Variants in PDE4B observed in about 807,000 individuals in gnomAD.
PDE4B encodes the protein 3',5'-cyclic-AMP phosphodiesterase 4B.
PDE4B carries 20 observed loss-of-function variants against 82.2 expected under a neutral mutation model. That is an observed-to-expected ratio of 0.24 (90% CI 0.17 to 0.35). The LOEUF (loss-of-function observed/expected upper bound fraction) is 0.35. PDE4B is among the 10% of genes least tolerant of loss of function. The pLI is 1.00. For missense variants in PDE4B, 655 were observed against 907.2 expected (o/e 0.72, Z 3.57); for synonymous variants, 320 against 318.9 (o/e 1.00, Z -0.04).
At chr1:65,911,856 A>G (rs1394594625) in intron 1 of PDE4B, among the ~76,000 whole-genome samples, 3 of 152,184 alleles carry the variant, frequency 2.0e-5, no homozygotes, top group Non-Finnish European at 4.4e-5. Context: ...CAACTCCTGC[A>G]TAATGTAGTC....
chr1:66,277,698 A>G (rs1655990390), intron 7 of PDE4B, among the ~76,000 whole-genome samples: 1 of 152,154 alleles, frequency 6.6e-6, no homozygotes, highest in Non-Finnish European at 1.5e-5. Flanking sequence ...CCGGCCTTAT[A>G]TGCATTTTAA....
At chr1:66,177,154 A>G (rs1281701513) in intron 3 of PDE4B, among the ~76,000 whole-genome samples, 2 of 152,216 alleles carry the variant, frequency 1.3e-5, no homozygotes, top group African/African-American at 2.4e-5. Flanking sequence ...ACAAATGCAA[A>G]TGAATGGAGA....
At position 66,374,062 on chromosome 1, in the gene PDE4B, G is replaced by T; in HGVS notation, c.*1384G>T. The T allele has an allele frequency of 1.3e-5, 2 of 152,594 alleles. No homozygotes were observed. Among genetic ancestry groups the T allele is most frequent in the East Asian group, 1.9e-4 (1 of 5,200 alleles). The allele number at this position is 152,594 out of a possible 1,614,324, so 9.5% of individuals were successfully genotyped here. A position where few individuals can be genotyped will look rare whatever the true frequency, so the allele number is the denominator to read the frequency against. ...ATCCAAATCTATGTGGGCATGAGTT[G>T]GGTTATAACTGGATCCTACTATCAT... On this transcript the variant is annotated 3_prime_UTR_variant, in exon 17 of 17. Coordinates refer to ENST00000341517, the MANE Select transcript of PDE4B (RefSeq NM_002600.4).
intron 1 of PDE4B, among the ~76,000 whole-genome samples, chr1:65,906,045 T>G (rs1011540324): frequency 2.0e-5 from 3 of 152,142 alleles, no homozygotes; most frequent in African/African-American, 7.2e-5. Context: ...AATGGGGGTT[T>G]TGGATCATGG....
intron 1 of PDE4B, among the ~76,000 whole-genome samples, chr1:65,872,822 A>G (rs1285953382): frequency 2.6e-5 from 4 of 152,200 alleles, no homozygotes; most frequent in African/African-American, 9.7e-5. Context: ...CACATATATC[A>G]TCTCATGTGA....
intron 3 of PDE4B, among the ~76,000 whole-genome samples, chr1:66,090,841 C>G (rs1271342606): frequency 6.6e-6 from 1 of 151,556 alleles, no homozygotes; most frequent in Admixed American, 6.6e-5. Context: ...GAGGCAAGGA[C>G]TTCTTTTACG....
intron 1 of PDE4B, among the ~76,000 whole-genome samples, chr1:65,838,031 T>C (rs1646161523): frequency 6.6e-6 from 1 of 152,222 alleles, no homozygotes; most frequent in African/African-American, 2.4e-5. Flanking sequence ...CCACTTTGGA[T>C]ATAAAACATC....
At chr1:66,116,432 C>G (rs1030417711) in intron 3 of PDE4B, among the ~76,000 whole-genome samples, 1 of 152,172 alleles carries the variant, frequency 6.6e-6, no homozygotes, top group Non-Finnish European at 1.5e-5. Flanking sequence ...CAACTCCCAC[C>G]ACACACATCC....
chr1:65,822,999 ATAAT>A lies in PDE4B; in HGVS notation c.-71+29756_-71+29759del, dbSNP rs1325292537. 2.0e-5 allele frequency among the ~76,000 whole-genome samples: 3 copies of A among 152,286 alleles called. No individual in the cohort carries two copies. In the South Asian group the frequency reaches 6.2e-4, roughly 32 times the overall value. On this transcript the variant is annotated intron_variant, in intron 1 of 16. Coordinates refer to ENST00000341517, the MANE Select transcript of PDE4B (RefSeq NM_002600.4). The stretch of plus-strand genomic sequence containing the variant: ...ACTGATTTTAATTTCCATTTTCCTG[ATAAT>A]TAATGAGGCTGAGCTTCTTTTCTTA...
intron 3 of PDE4B, among the ~76,000 whole-genome samples, chr1:66,018,512 T>C (rs1652905423): frequency 6.6e-6 from 1 of 152,214 alleles, no homozygotes; most frequent in South Asian, 2.1e-4. Flanking sequence ...TAAGATTAAG[T>C]ATTTTAATGT....
chr1:66,007,450 AC>A (rs200296210), intron 3 of PDE4B, among the ~76,000 whole-genome samples: 12 of 150,626 alleles, frequency 8.0e-5, no homozygotes, highest in Admixed American at 6.0e-4. Context: ...GAACAAAACA[AC>A]CCCCCCCAAC....
At chr1:66,370,150 CAAAA>C (rs752920376) in intron 16 of PDE4B, among the ~76,000 whole-genome samples, 6 of 28,622 alleles carry the variant, frequency 2.1e-4, no homozygotes, top group African/African-American at 4.5e-4. Flanking sequence ...GACTCTATCT[CAAAA>C]AAAAAAAAAA....
intron 3 of PDE4B, among the ~76,000 whole-genome samples, chr1:66,204,009 G>A (rs1024889606): frequency 3.3e-5 from 5 of 152,126 alleles, no homozygotes; most frequent in African/African-American, 1.2e-4. Context: ...TGATGGTGAC[G>A]TACAGATGGG....
At chr1:66,286,627 A>C (rs898141198) in intron 7 of PDE4B, among the ~76,000 whole-genome samples, 1 of 152,124 alleles carries the variant, frequency 6.6e-6, no homozygotes, top group Non-Finnish European at 1.5e-5. Context: ...TTCCCATCAC[A>C]TTGGTGAAAA....
intron 1 of PDE4B, among the ~76,000 whole-genome samples, chr1:65,902,271 A>T (rs1646979921): frequency 6.6e-6 from 1 of 152,098 alleles, no homozygotes; most frequent in South Asian, 2.1e-4. Context: ...TGTGTTATTG[A>T]AGCCATATCA....
chr1:66,013,550 C>T (rs569003201), intron 3 of PDE4B, among the ~76,000 whole-genome samples: 16 of 152,046 alleles, frequency 1.1e-4, no homozygotes, highest in Middle Eastern at 3.4e-3. Flanking sequence ...AGTAGTGTTA[C>T]GTAATTCACA....
chr1:65,898,980 C>T (rs1318121472), intron 1 of PDE4B, among the ~76,000 whole-genome samples: 1 of 151,998 alleles, frequency 6.6e-6, no homozygotes, highest in Non-Finnish European at 1.5e-5. Context: ...CTTAATTAAA[C>T]TAAAGAGTTT....
intron 1 of PDE4B, among the ~76,000 whole-genome samples, chr1:65,869,806 T>C (rs1288134393): frequency 1.3e-5 from 2 of 152,148 alleles, no homozygotes; most frequent in Non-Finnish European, 2.9e-5. Flanking sequence ...TTTTTTTTTT[T>C]TTTTTAAATG....
chr1:66,089,202 T>C (rs1288989128), intron 3 of PDE4B, among the ~76,000 whole-genome samples: 1 of 152,082 alleles, frequency 6.6e-6, no homozygotes, highest in African/African-American at 2.4e-5. Context: ...TTATACTGAA[T>C]TTGCCAAAAC....
Sources: allele counts gnomAD v4.1 joint callset (sites outside exome capture counted in the v4.1 genomes callset), GRCh38; gene constraint gnomAD v4.1.1; transcripts MANE v1.5; gene names NCBI Gene and HGNC (gene_info 2026-07-23, HGNC 2026-07-21).